SUPT20H: variants seen among roughly 807,000 people sequenced by gnomAD.
SUPT20H encodes the protein SPT20 homolog, SAGA complex component.
In SUPT20H, 82 loss-of-function variants were observed where a neutral mutation model predicts 122.8. The ratio of observed to expected loss-of-function variants is 0.67; its 90% confidence interval spans 0.56 to 0.80. The LOEUF is 0.80. SUPT20H is among the 30% of genes least tolerant of loss of function. SUPT20H has a pLI of 0.00. For synonymous variants in SUPT20H, 291 were observed against 313.0 expected (o/e 0.93, Z 0.74); for missense variants, 831 against 921.6 (o/e 0.90, Z 1.27).
intron 23 of SUPT20H, 115 bp downstream of exon 23, chr13:37,017,130 T>TA: frequency 6.8e-7 from 1 of 1,461,318 alleles, no homozygotes; most frequent in Non-Finnish European, 9.5e-7. Flanking sequence ...CTATTGTTAA[T>TA]AAAAACAGTA....
intron 2 of SUPT20H, among the ~76,000 whole-genome samples, chr13:37,050,768 C>G (rs1192362528): frequency 6.6e-6 from 1 of 152,086 alleles, no homozygotes; most frequent in African/African-American, 2.4e-5. Flanking sequence ...GTCAGAACCC[C>G]ACTGTGATAC....
At chr13:37,018,142 TC>T (rs1175508311) in intron 22 of SUPT20H, among the ~76,000 whole-genome samples, 2 of 151,968 alleles carry the variant, frequency 1.3e-5, no homozygotes, top group Non-Finnish European at 2.9e-5. Flanking sequence ...AAATAAAAAA[TC>T]CTTGGGTCAA....
At chr13:37,026,165 A>G in intron 16 of SUPT20H, 39 bp downstream of exon 16, 1 of 1,554,106 alleles carries the variant, frequency 6.4e-7, no homozygotes, top group Non-Finnish European at 8.7e-7. Flanking sequence ...AATTTTTCAT[A>G]TCCATCCTGA....
chr13:37,053,814 C>A (rs2323392), intron 1 of SUPT20H, among the ~76,000 whole-genome samples: 129,998 of 152,118 alleles, frequency 0.85, 56,157 homozygotes, highest in East Asian at 1. Flanking sequence ...CATTCAAAAA[C>A]TCAATGAATC....
At chr13:37,059,052 T>C (rs1456086554) in intron 1 of SUPT20H, 1 of 152,210 alleles carries the variant, frequency 6.6e-6, no homozygotes, top group African/African-American at 2.4e-5. Context: ...AGTTCATTTC[T>C]GAGCGCCGGG....
At chr13:37,035,821 GC>G (rs770882675) in intron 9 of SUPT20H, among the ~76,000 whole-genome samples, 16 of 152,274 alleles carry the variant, frequency 1.1e-4, no homozygotes, top group Non-Finnish European at 2.2e-4. Context: ...ACAAGCCATG[GC>G]ACCTGGCAAA....
At chr13:37,039,810 G>A (rs1034421352) in intron 9 of SUPT20H, 3 of 152,122 alleles carry the variant, frequency 2.0e-5, no homozygotes, top group Admixed American at 6.5e-5. Flanking sequence ...CAGTTCTTCA[G>A]GGGTGGACTA....
Position 37,010,554 on chromosome 13 carries a change from G to T in SUPT20H, c.2200C>A (p.Gln734Lys). Reference sequence around the variant, plus strand: ...TCAGAGTGAAGTTGCTGGATTACTTGTATCTGTTGCTGCTGCTGTTGAAAG... The same window carrying T: ...TCAGAGTGAAGTTGCTGGATTACTTTTATCTGTTGCTGCTGCTGTTGAAAG... ...SAFQQQQQQI[Q>K]QLRFLQHQMA... Residue 734 changes from glutamine (Q) to lysine (K), a missense_variant and splice_region_variant, in exon 25 of 26, where the codon CAA becomes AAA. Coordinates refer to ENST00000350612, the MANE Select transcript of SUPT20H (RefSeq NM_001014286.3). The T allele has an allele frequency of 1.9e-6, 3 of 1,613,414 alleles. No homozygotes were observed. The highest frequency in any genetic ancestry group is 2.5e-6 in the Non-Finnish European group (3 of 1,179,500).
At position 37,022,053 on chromosome 13, in the gene SUPT20H, T is replaced by A. The variant is rs2061529505; in HGVS notation, c.1619A>T (p.Asn540Ile). ...ATTGATGAAGTTAAGTCCAGCAGAGTTTGCCATGACCTGGGTGGCCGTGGT... is the reference window on the plus strand; with the variant it reads ...ATTGATGAAGTTAAGTCCAGCAGAGATTGCCATGACCTGGGTGGCCGTGGT... The part of the protein sequence containing the change: ...QRTTATQVMA[N>I]SAGLNFINVV... The change falls in exon 20 of 26, where the codon AAC (asparagine) becomes ATC (isoleucine). Residue 540 changes from asparagine (N) to isoleucine (I), a missense_variant. By Grantham distance (149) the Asn-to-Ile change is moderately radical (BLOSUM62 -3). Coordinates refer to ENST00000350612, the MANE Select transcript of SUPT20H (RefSeq NM_001014286.3). This position sits in a 1 kb window ranked among gnomAD's most constrained non-coding sequence, Gnocchi z 4.5. 1 of 1,613,294 alleles carries A rather than the reference T, an allele frequency of 6.2e-7. No homozygotes were observed. The highest frequency in any genetic ancestry group is 1.3e-5 in the African/African-American group (1 of 74,870).
chr13:37,045,298 A>G lies in SUPT20H; in HGVS notation c.241T>C (p.Tyr81His), dbSNP rs1223934715. ...AGAGAATATCCCTCATTTCCTGGGT[A>G]TAGATTGACCACTAAACATGACAAA... Reference protein sequence around the residue: ...ETLSCLVVNLYPGNEGYSLML... With the variant: ...ETLSCLVVNLHPGNEGYSLML... The change falls in exon 6 of 26, where the codon TAC (tyrosine) becomes CAC (histidine). Residue 81 changes from tyrosine (Y) to histidine (H), a missense_variant. By Grantham distance (83) the Tyr-to-His change is moderately conservative. Coordinates refer to ENST00000350612, the MANE Select transcript of SUPT20H (RefSeq NM_001014286.3). 1.9e-6 allele frequency: 3 copies of G among 1,613,776 alleles called. No individual in the cohort carries two copies. Among genetic ancestry groups the G allele is most frequent in the Admixed American group, 1.7e-5 (1 of 59,988 alleles).
In SUPT20H at chr13:37,031,871, G is replaced by A; in HGVS notation, c.732C>T (p.Ser244=). 10 of 1,598,284 alleles carry A rather than the reference G, an allele frequency of 6.3e-6. No individual in the cohort carries two copies. Among genetic ancestry groups the A allele is most frequent in the Non-Finnish European group, 8.5e-6 (10 of 1,175,236 alleles). ...MKRCFKRYSR[S]SLNRQQDLSH... Reference sequence around the variant, plus strand: ...ATAGATCTTGCTGCCGATTCAGAGAGGATCTGGAATACCTCTTGAAACACC... The same window carrying A: ...ATAGATCTTGCTGCCGATTCAGAGAAGATCTGGAATACCTCTTGAAACACC... The change falls in exon 11 of 26, where the codon TCC becomes TCT. Residue 244 remains serine (S), a synonymous_variant. Transcript: ENST00000350612.
intron 19 of SUPT20H, chr13:37,023,146 C>T: frequency 9.5e-7 from 1 of 1,057,572 alleles, no homozygotes; most frequent in Non-Finnish European, 1.2e-6. Context: ...TCCATACCCA[C>T]AACATAAGAA....
chr13:37,018,667 T>C (rs552752635), intron 22 of SUPT20H, among the ~76,000 whole-genome samples: 9 of 152,278 alleles, frequency 5.9e-5, no homozygotes, highest in South Asian at 2.1e-4. Flanking sequence ...CCCCCTTGTT[T>C]TTCTTTTGAG....
chr13:37,010,798 T>G, intron 24 of SUPT20H, 143 bp from the exon 25 acceptor site: 1 of 588,082 alleles, frequency 1.7e-6, no homozygotes, highest in South Asian at 2.3e-5. Flanking sequence ...CATTTCAGAA[T>G]AAATTTAGTA....
chr13:37,045,233 C>G lies in SUPT20H; in HGVS notation c.292+14G>C, dbSNP rs373865921. 35 of 1,612,372 alleles carry G rather than the reference C, an allele frequency of 2.2e-5. No individual in the cohort carries two copies. The African/African-American group carries it at 4.3e-4, about 20-fold the overall frequency. ...AAAAGTATTTTGTGGCAGCTGTGCT[C>G]TAGAGGGTCTTACCTGATCCGTTTT... On this transcript the variant is annotated intron_variant, in intron 6 of 25. Coordinates refer to ENST00000350612, the MANE Select transcript of SUPT20H (RefSeq NM_001014286.3).
intron 16 of SUPT20H, chr13:37,025,932 A>G (rs2062175973): frequency 3.1e-6 from 1 of 319,730 alleles, no homozygotes. Context: ...ATCTCATCCC[A>G]TGAAAAGAAC....
At chr13:37,056,730 C>T (rs536849809) in intron 1 of SUPT20H, 14 of 150,846 alleles carry the variant, frequency 9.3e-5, no homozygotes, top group Non-Finnish European at 1.8e-4. Flanking sequence ...CAAACCTGCA[C>T]GTTGTGCACA....
intron 13 of SUPT20H, 98 bp downstream of exon 13, chr13:37,029,667 G>GT: frequency 1.0e-6 from 1 of 977,066 alleles, no homozygotes; most frequent in Admixed American, 2.7e-5. Context: ...AAGAAAAAAG[G>GT]TCCCAAACTA....
Position 37,029,199 on chromosome 13 carries a change from C to T in SUPT20H, c.993+566G>A, listed in dbSNP as rs17054817. On this transcript the variant is annotated intron_variant, in intron 13 of 25. Coordinates refer to ENST00000350612, the MANE Select transcript of SUPT20H (RefSeq NM_001014286.3). ...ACAAAACAAATCAGAACTACCAATA[C>T]GCAAACCAAAAGTAAAAATGAAGTT... is the stretch of plus-strand genomic sequence containing the variant. 4.0e-3 allele frequency among the ~76,000 whole-genome samples: 611 copies of T among 152,218 alleles called. 16 individuals carry two copies. In the East Asian group the frequency reaches 0.081, roughly 20 times the overall value.
Sources: gnomAD v4.1 joint callset for allele counts (sites outside exome capture counted in the v4.1 genomes callset) on GRCh38, gnomAD v4.1.1 for gene constraint, Gnocchi (gnomAD v3.1) non-coding constraint, MANE v1.5 for transcripts, NCBI Gene and HGNC (gene_info 2026-07-23, HGNC 2026-07-21) for gene names.